Variants in DIAPH3 observed in about 807,000 individuals in gnomAD.
DIAPH3 encodes protein diaphanous homolog 3.
DIAPH3 carries 117 observed loss-of-function variants against 144.3 expected under a neutral mutation model. The ratio of observed to expected loss-of-function variants is 0.81; its 90% CI spans 0.70 to 0.95. The LOEUF is 0.95. Among genes scored for constraint, DIAPH3 ranks in the 40% least tolerant of loss-of-function variants. The pLI, the probability that DIAPH3 is intolerant of heterozygous loss-of-function variation, is 0.00. For synonymous variants in DIAPH3, 519 were observed against 488.9 expected, an observed-to-expected ratio of 1.06 and a Z score of -0.81; for missense variants, 1,421 against 1,412.7, an observed-to-expected ratio of 1.01 and a Z score of -0.09.
chr13:59,789,091 G>A (rs1459499477), intron 25 of DIAPH3, among the ~76,000 whole-genome samples: 1 of 152,208 alleles, frequency 6.6e-6, no homozygotes, highest in Non-Finnish European at 1.5e-5. Context: ...GGTCTAGGGT[G>A]CTGAACAGAT....
At chr13:59,790,696 G>A (rs1460815025) in intron 25 of DIAPH3, among the ~76,000 whole-genome samples, 1 of 152,090 alleles carries the variant, frequency 6.6e-6, no homozygotes, top group Non-Finnish European at 1.5e-5. Context: ...AGGCAAATCT[G>A]AATGAGTGAA....
At chr13:59,893,828 T>C (rs956248641) in intron 20 of DIAPH3, among the ~76,000 whole-genome samples, 1 of 152,168 alleles carries the variant, frequency 6.6e-6, no homozygotes, top group African/African-American at 2.4e-5. Flanking sequence ...GTTTAATCTA[T>C]GCGATTTTAC....
chr13:59,705,093 T>C (rs542262063), intron 27 of DIAPH3, among the ~76,000 whole-genome samples: 2 of 152,304 alleles, frequency 1.3e-5, no homozygotes, highest in African/African-American at 2.4e-5. Context: ...TTTTTTACCA[T>C]AATTTACTAG....
At chr13:59,838,167 T>A (rs2042138682) in intron 23 of DIAPH3, 1 of 152,240 alleles carries the variant, frequency 6.6e-6, no homozygotes, top group East Asian at 1.9e-4. Context: ...CATTTGTCCA[T>A]ATGGGATTTT....
chr13:60,059,702 G>A (rs1218848932), intron 4 of DIAPH3, among the ~76,000 whole-genome samples: 2 of 151,916 alleles, frequency 1.3e-5, no homozygotes, highest in African/African-American at 4.8e-5. Context: ...GGGGGTGGGG[G>A]AGCTGATTAA....
At chr13:59,808,793 T>C (rs933351492) in intron 25 of DIAPH3, among the ~76,000 whole-genome samples, 1 of 152,292 alleles carries the variant, frequency 6.6e-6, no homozygotes. Flanking sequence ...AGACACTGAA[T>C]TGCATATTTA....
At chr13:60,025,204 A>T (rs1347687448) in intron 5 of DIAPH3, among the ~76,000 whole-genome samples, 1 of 151,936 alleles carries the variant, frequency 6.6e-6, no homozygotes, top group African/African-American at 2.4e-5. Context: ...TTTCAGAGAG[A>T]AGGCTTTTGT....
rs1373277694 is a variant in DIAPH3 at position 60,112,033 on chromosome 13, A to G, written c.367T>C (p.Leu123=). ...ACCATCATTTTTTCAAAAAGTTCTA[A>G]GAGTTCATTCTCTGACAGTGGCTTT... ...FPKPLSENEL[L]ELFEKMMEDM... is the part of the protein sequence containing the mutation. Residue 123 remains leucine, a synonymous_variant, in exon 3 of 28, where the codon TTA becomes CTA. Transcript: ENST00000400324. 1.2e-6 allele frequency: 2 copies of G among 1,613,996 alleles called. No individual in the cohort carries two copies. Among genetic ancestry groups the G allele is most frequent in the Non-Finnish European group, 1.7e-6 (2 of 1,179,986 alleles).
chr13:59,781,761 T>C (rs995883708), intron 25 of DIAPH3, among the ~76,000 whole-genome samples: 4 of 152,226 alleles, frequency 2.6e-5, no homozygotes, highest in Non-Finnish European at 5.9e-5. Flanking sequence ...GATTGTCCCA[T>C]AGGAAATGCT....
At chr13:59,821,118 A>G (rs1343441682) in intron 24 of DIAPH3, among the ~76,000 whole-genome samples, 1 of 152,050 alleles carries the variant, frequency 6.6e-6, no homozygotes, top group Admixed American at 6.6e-5. Flanking sequence ...AGGTTTCACT[A>G]AACTCAAAAA....
chr13:60,088,661 A>G (rs1359065744), intron 4 of DIAPH3, among the ~76,000 whole-genome samples: 1 of 152,180 alleles, frequency 6.6e-6, no homozygotes, highest in Non-Finnish European at 1.5e-5. Flanking sequence ...TCACTCTGTC[A>G]CCCAGACTGT....
intron 12 of DIAPH3, among the ~76,000 whole-genome samples, chr13:59,988,898 C>A (rs1405714898): frequency 6.6e-6 from 1 of 151,738 alleles, no homozygotes; most frequent in Non-Finnish European, 1.5e-5. Flanking sequence ...CTCCCTTTTT[C>A]CCAGGGAAAA....
chr13:59,742,681 G>T (rs2036520252), intron 27 of DIAPH3, among the ~76,000 whole-genome samples: 1 of 150,996 alleles, frequency 6.6e-6, no homozygotes, highest in African/African-American at 2.4e-5. Flanking sequence ...AGGAAGAAAG[G>T]AAGGAAGAAA....
intron 22 of DIAPH3, among the ~76,000 whole-genome samples, chr13:59,844,924 A>T (rs1017742350): frequency 2.0e-5 from 3 of 152,114 alleles, no homozygotes; most frequent in Non-Finnish European, 2.9e-5. Flanking sequence ...CTCTCTTGCA[A>T]TTCTCAGATT....
At chr13:59,980,743 T>C (rs2050949623) in intron 14 of DIAPH3, 52 bp downstream of exon 14, 41 of 1,484,810 alleles carry the variant, frequency 2.8e-5, no homozygotes, top group Non-Finnish European at 3.9e-5. Context: ...GGCAGAAGCA[T>C]GCCTGCAGTG....
At chr13:59,755,697 C>CA (rs1166728765) in intron 27 of DIAPH3, among the ~76,000 whole-genome samples, 3 of 151,944 alleles carry the variant, frequency 2.0e-5, no homozygotes, top group Non-Finnish European at 4.4e-5. Flanking sequence ...AAGAGAGTTT[C>CA]AAAAAAATAC....
At chr13:59,894,528 G>GA (rs544988297) in intron 20 of DIAPH3, among the ~76,000 whole-genome samples, 53 of 141,796 alleles carry the variant, frequency 3.7e-4, no homozygotes, top group Middle Eastern at 7.1e-3. Context: ...CTTCCCAGGA[G>GA]AAAAAAAAAA....
In DIAPH3 at chr13:60,002,436, T is replaced by A. The variant is rs964941240; in HGVS notation, c.1014+6108A>T. ...CCCACTGCAACTGGCAGTATTCACA[T>A]TACACTATGAGTGTCACAATATGGG... On this transcript the variant is annotated intron_variant, in intron 9 of 27. Coordinates refer to ENST00000400324, the MANE Select transcript of DIAPH3 (RefSeq NM_001042517.2). Among the ~76,000 whole-genome samples the A allele has an allele frequency of 2.0e-5, 3 of 152,220 alleles. No individual in the cohort carries two copies. The East Asian group carries it at 5.8e-4, about 29-fold the overall frequency.
intron 20 of DIAPH3, among the ~76,000 whole-genome samples, chr13:59,901,886 G>A (rs1369450815): frequency 6.6e-6 from 1 of 152,170 alleles, no homozygotes; most frequent in Non-Finnish European, 1.5e-5. Flanking sequence ...CTGAAGTGCA[G>A]TGGCACGATC....
Sources: allele counts gnomAD v4.1 joint callset (sites outside exome capture counted in the v4.1 genomes callset), GRCh38; gene constraint gnomAD v4.1.1; transcripts MANE v1.5; gene names NCBI Gene and HGNC (gene_info 2026-07-23, HGNC 2026-07-21).